The following EPHA6 variants were observed in gnomAD, a reference collection of about 807,000 sequenced individuals.
EPHA6 encodes ephrin type-A receptor 6.
A neutral mutation model predicts 112.0 loss-of-function variants in EPHA6; 50 were observed. The ratio of observed to expected loss-of-function variants is 0.45; its 90% CI spans 0.36 to 0.56. The LOEUF (loss-of-function observed/expected upper bound fraction) is 0.56. Among genes scored for constraint, EPHA6 ranks in the 20% least tolerant of loss-of-function variants. The pLI is 0.00. For missense variants in EPHA6, 1,280 were observed against 1,417.4 expected (o/e 0.90, Z 1.56); for synonymous variants, 529 against 490.7 (o/e 1.08, Z -1.03).
intron 13 of EPHA6, among the ~76,000 whole-genome samples, chr3:97,618,007 C>A (rs1449128168): frequency 6.6e-6 from 1 of 152,096 alleles, no homozygotes; most frequent in African/African-American, 2.4e-5. Flanking sequence ...GGCACTTACT[C>A]TAAAATTGAT....
chr3:97,726,791 C>T (rs1484821321), intron 15 of EPHA6, among the ~76,000 whole-genome samples: 3 of 151,942 alleles, frequency 2.0e-5, no homozygotes, highest in Non-Finnish European at 4.4e-5. Context: ...CGTGGTTCTT[C>T]CCTCCAACAC....
At chr3:97,292,992 G>A (rs1469183435) in intron 5 of EPHA6, among the ~76,000 whole-genome samples, 1 of 151,420 alleles carries the variant, frequency 6.6e-6, no homozygotes. Flanking sequence ...GACCCATGGT[G>A]TCTAACTCCT....
At chr3:96,901,156 G>C (rs1247989109) in intron 2 of EPHA6, among the ~76,000 whole-genome samples, 3 of 152,040 alleles carry the variant, frequency 2.0e-5, no homozygotes, top group African/African-American at 7.2e-5. Flanking sequence ...TGGAGAATGA[G>C]GCATTCAGTA....
chr3:96,967,473 T>C (rs1380587963), intron 2 of EPHA6, among the ~76,000 whole-genome samples: 1 of 151,900 alleles, frequency 6.6e-6, no homozygotes, highest in African/African-American at 2.4e-5. Flanking sequence ...ACAATTATTT[T>C]TCAAACTTTA....
intron 2 of EPHA6, among the ~76,000 whole-genome samples, chr3:96,980,002 G>A (rs546383563): frequency 2.6e-5 from 4 of 152,262 alleles, no homozygotes; most frequent in African/African-American, 7.2e-5. Flanking sequence ...TCTGTAGGTT[G>A]CCTGTTCACT....
intron 10 of EPHA6, among the ~76,000 whole-genome samples, chr3:97,492,547 CAAAAAAAAAAAAAAAAAA>C (rs780244403): frequency 1.4e-3 from 40 of 28,932 alleles, no homozygotes; most frequent in African/African-American, 2.1e-3. Flanking sequence ...GACTCAGTCT[CAAAAAAAAAAAAAAAAAA>C]AAAAAAAAAA....
At chr3:97,267,960 AAG>A (rs1177857581) in intron 5 of EPHA6, among the ~76,000 whole-genome samples, 2 of 152,202 alleles carry the variant, frequency 1.3e-5, no homozygotes, top group Non-Finnish European at 2.9e-5. Flanking sequence ...TGAATAAAAA[AAG>A]AGTTTATTTT....
chr3:97,017,877 T>C (rs2044317021), intron 3 of EPHA6, among the ~76,000 whole-genome samples: 1 of 152,114 alleles, frequency 6.6e-6, no homozygotes, highest in Non-Finnish European at 1.5e-5. Context: ...ATAAACTTTC[T>C]ATGCCTATCT....
chr3:97,267,716 C>T (rs1163598357), intron 5 of EPHA6, among the ~76,000 whole-genome samples: 2 of 152,084 alleles, frequency 1.3e-5, no homozygotes, highest in African/African-American at 4.8e-5. Context: ...CGTAAAAGCA[C>T]AGTGGGATAG....
chr3:97,208,855 T>G (rs1395356261), intron 3 of EPHA6, among the ~76,000 whole-genome samples: 2 of 152,196 alleles, frequency 1.3e-5, no homozygotes, highest in African/African-American at 4.8e-5. Flanking sequence ...AAACCTTGTA[T>G]GATAAATACA....
intron 10 of EPHA6, among the ~76,000 whole-genome samples, chr3:97,496,838 C>G (rs939961535): frequency 2.0e-5 from 3 of 152,020 alleles, no homozygotes; most frequent in African/African-American, 7.2e-5. Flanking sequence ...ACTGCCTCAG[C>G]AGAACCAACA....
chr3:96,882,768 G>GTGTGTGTGTGTGTA (rs774521290), intron 2 of EPHA6, among the ~76,000 whole-genome samples: 2 of 148,898 alleles, frequency 1.3e-5, no homozygotes, highest in Admixed American at 6.7e-5. Context: ...GTGTGTGTGT[G>GTGTGTGTGTGTGTA]TATAGTCAAT....
intron 3 of EPHA6, among the ~76,000 whole-genome samples, chr3:97,072,628 A>G (rs1475824330): frequency 6.6e-6 from 1 of 152,134 alleles, no homozygotes; most frequent in Non-Finnish European, 1.5e-5. Flanking sequence ...ACTAACTGAG[A>G]ATCATGAGTT....
intron 2 of EPHA6, among the ~76,000 whole-genome samples, chr3:96,893,126 A>G (rs1301411656): frequency 6.6e-6 from 1 of 151,730 alleles, no homozygotes; most frequent in East Asian, 1.9e-4. Flanking sequence ...ACAATGCATT[A>G]CTCCTGTATT....
chr3:97,234,668 G>T (rs2078629785), intron 4 of EPHA6, among the ~76,000 whole-genome samples: 1 of 151,808 alleles, frequency 6.6e-6, no homozygotes, highest in African/African-American at 2.4e-5. Flanking sequence ...TGATCATTTT[G>T]TTTATCACCA....
chr3:97,098,844 T>A (rs1204196199), intron 3 of EPHA6, among the ~76,000 whole-genome samples: 2 of 151,898 alleles, frequency 1.3e-5, no homozygotes, highest in Non-Finnish European at 2.9e-5. Flanking sequence ...TGCTATTTGA[T>A]GGTTGGTAAC....
At chr3:96,891,256 A>C (rs1012952769) in intron 2 of EPHA6, among the ~76,000 whole-genome samples, 8 of 152,074 alleles carry the variant, frequency 5.3e-5, no homozygotes, top group African/African-American at 1.9e-4. Context: ...AAAGCAAAGA[A>C]ACTGAAAAAA....
At chr3:96,829,104 G>A (rs988658887) in intron 1 of EPHA6, among the ~76,000 whole-genome samples, 2 of 152,088 alleles carry the variant, frequency 1.3e-5, no homozygotes, top group Admixed American at 1.3e-4. Context: ...AGGGCACACT[G>A]AGGTATGAAG....
intron 5 of EPHA6, among the ~76,000 whole-genome samples, chr3:97,325,155 A>G (rs2082357028): frequency 6.6e-6 from 1 of 152,128 alleles, no homozygotes; most frequent in Non-Finnish European, 1.5e-5. Context: ...GGATAATAAT[A>G]TAGGGCTTTC....
Sources: gnomAD v4.1 joint callset for allele counts (sites outside exome capture counted in the v4.1 genomes callset) on GRCh38, gnomAD v4.1.1 for gene constraint, MANE v1.5 for transcripts, NCBI Gene and HGNC (gene_info 2026-07-23, HGNC 2026-07-21) for gene names.